The following PTPRK variants were observed in gnomAD, a reference collection of about 807,000 sequenced individuals.
PTPRK encodes receptor-type tyrosine-protein phosphatase kappa.
In PTPRK, 75 loss-of-function variants were observed where a neutral mutation model predicts 178.0. That is an observed-to-expected ratio of 0.42 (90% CI 0.35 to 0.51). PTPRK has a LOEUF of 0.51. PTPRK is among the 20% of genes least tolerant of loss of function. The probability of loss-of-function intolerance (pLI) is 0.02; values close to 1 mark genes in which losing one functional copy is unlikely to be tolerated. For synonymous variants in PTPRK, 637 were observed against 620.6 expected (o/e 1.03, Z -0.39); for missense variants, 1,441 against 1,797.8 (o/e 0.80, Z 3.59).
chr6:128,104,513 C>T (rs1032762581), intron 7 of PTPRK, among the ~76,000 whole-genome samples: 9 of 152,226 alleles, frequency 5.9e-5, no homozygotes, highest in African/African-American at 1.4e-4. Flanking sequence ...TAAGCCACCA[C>T]GCCCGGCCTA....
intron 1 of PTPRK, among the ~76,000 whole-genome samples, chr6:128,505,638 T>A (rs985155245): frequency 1.8e-4 from 27 of 152,062 alleles, no homozygotes; most frequent in Non-Finnish European, 3.4e-4. Context: ...GTAAGAAAGT[T>A]AACAGGGATT....
At chr6:128,513,763 G>A (rs1475537446) in intron 1 of PTPRK, among the ~76,000 whole-genome samples, 1 of 152,140 alleles carries the variant, frequency 6.6e-6, no homozygotes, top group Non-Finnish European at 1.5e-5. Context: ...GATGATCACA[G>A]ATCATCACAA....
chr6:128,495,858 T>A (rs1343869114), intron 1 of PTPRK, among the ~76,000 whole-genome samples: 4 of 152,202 alleles, frequency 2.6e-5, no homozygotes, highest in Admixed American at 1.3e-4. Context: ...CTTCTCTCAG[T>A]TGCTGCAATG....
intron 7 of PTPRK, among the ~76,000 whole-genome samples, chr6:128,142,267 A>G (rs918904773): frequency 6.6e-6 from 1 of 151,960 alleles, no homozygotes; most frequent in Admixed American, 6.6e-5. Flanking sequence ...AAATTTATTC[A>G]TTTTTACTTA....
At chr6:127,988,407 G>A (rs1012671581) in intron 21 of PTPRK, among the ~76,000 whole-genome samples, 1 of 149,230 alleles carries the variant, frequency 6.7e-6, no homozygotes, top group Non-Finnish European at 1.5e-5. Context: ...CAACTCGGAT[G>A]ATTCTCTTGC....
At chr6:128,471,630 A>G (rs1356790620) in intron 1 of PTPRK, among the ~76,000 whole-genome samples, 1 of 146,008 alleles carries the variant, frequency 6.8e-6, no homozygotes, top group East Asian at 2.0e-4. Context: ...AAAAAAACTC[A>G]CAACAAAAGC....
chr6:128,009,067 C>T lies in PTPRK; in HGVS notation c.2333+63G>A, dbSNP rs969834353. The T allele has an allele frequency of 2.8e-6, 4 of 1,430,634 alleles. No homozygotes were observed. In the South Asian group the frequency reaches 4.6e-5, roughly 16 times the overall value. The allele number at this position is 1,430,634 out of a possible 1,614,324, so 88.6% of individuals were successfully genotyped here. A position where few individuals can be genotyped will look rare whatever the true frequency, so the allele number is the denominator to read the frequency against. ...CTAATTTAAAGGATCTTGAGAAAAACAGGTTTTTAAAACCAGTGACATAAA... is the reference window on the plus strand; with the variant it reads ...CTAATTTAAAGGATCTTGAGAAAAATAGGTTTTTAAAACCAGTGACATAAA... On this transcript the variant is annotated intron_variant, in intron 14 of 29. Coordinates refer to ENST00000368226, the MANE Select transcript of PTPRK (RefSeq NM_002844.4).
At chr6:128,165,226 A>G (rs1469081010) in intron 7 of PTPRK, among the ~76,000 whole-genome samples, 1 of 151,388 alleles carries the variant, frequency 6.6e-6, no homozygotes, top group Non-Finnish European at 1.5e-5. Context: ...TTTCAGTTTT[A>G]CCTTAGTTTC....
chr6:128,491,748 C>T (rs901701420), intron 1 of PTPRK: 1 of 517,852 alleles, frequency 1.9e-6, no homozygotes, highest in Non-Finnish European at 3.9e-6. Flanking sequence ...AATCGCCCTT[C>T]ATGATCCTGG....
chr6:128,274,489 T>C (rs1820408818), intron 3 of PTPRK, among the ~76,000 whole-genome samples: 1 of 152,228 alleles, frequency 6.6e-6, no homozygotes, highest in East Asian at 1.9e-4. Flanking sequence ...AAATTTACTA[T>C]GCGTCTCATA....
chr6:128,005,391 A>G, intron 14 of PTPRK, 147 bp from the exon 15 acceptor site: 1 of 609,960 alleles, frequency 1.6e-6, no homozygotes. Flanking sequence ...TTCAGGAATT[A>G]AGTTTGACAT....
At chr6:128,062,411 T>C (rs1252783316) in intron 13 of PTPRK, 2 of 41,390 alleles carry the variant, frequency 4.8e-5, no homozygotes, top group Non-Finnish European at 5.2e-5. Flanking sequence ...TAGCTTTTCA[T>C]ATGTGGAAAA....
chr6:128,433,230 T>A (rs986005359), intron 1 of PTPRK, among the ~76,000 whole-genome samples: 1 of 152,190 alleles, frequency 6.6e-6, no homozygotes, highest in Admixed American at 6.5e-5. Flanking sequence ...ACTGTATGTT[T>A]GTATCCATCA....
At chr6:128,485,415 C>A (rs1036822588) in intron 1 of PTPRK, among the ~76,000 whole-genome samples, 1 of 152,032 alleles carries the variant, frequency 6.6e-6, no homozygotes, top group African/African-American at 2.4e-5. Flanking sequence ...AGATCTATAT[C>A]ATTAAAATGT....
At chr6:128,023,835 C>CTT (rs79086877) in intron 13 of PTPRK, among the ~76,000 whole-genome samples, 1 of 141,204 alleles carries the variant, frequency 7.1e-6, no homozygotes. Flanking sequence ...TTCTTTCTTT[C>CTT]TTTTTTTTTT....
intron 2 of PTPRK, among the ~76,000 whole-genome samples, chr6:128,351,331 G>A (rs1426619520): frequency 1.3e-5 from 2 of 152,068 alleles, no homozygotes; most frequent in South Asian, 4.1e-4. Context: ...GAAAATGAAC[G>A]CGAATTTAAA....
At chr6:128,194,368 G>A (rs911299744) in intron 6 of PTPRK, among the ~76,000 whole-genome samples, 1 of 152,048 alleles carries the variant, frequency 6.6e-6, no homozygotes, top group Admixed American at 6.6e-5. Flanking sequence ...TTACAGGCGT[G>A]AGCCACCGCG....
rs780042036 is a variant in PTPRK, at chr6:128,003,244, C to T, written c.2494+1840G>A. 1.2e-5 allele frequency: 19 copies of T among 1,601,202 alleles called. No individual in the cohort carries two copies. The South Asian group carries it at 2.1e-4, about 18-fold the overall frequency. ...TGGATCATTGGGCACTGCAGGAAAA[C>T]AAAGCTCATGAAGGAATATATTGCT... On this transcript the variant is annotated intron_variant, in intron 15 of 29. Transcript: ENST00000368226.
At chr6:128,159,302 T>A (rs2114597563) in intron 7 of PTPRK, among the ~76,000 whole-genome samples, 1 of 151,918 alleles carries the variant, frequency 6.6e-6, no homozygotes, top group Non-Finnish European at 1.5e-5. Flanking sequence ...AAGATTCAAT[T>A]TATTATGTTT....
Sources: gnomAD v4.1 joint callset for allele counts (sites outside exome capture counted in the v4.1 genomes callset) on GRCh38, gnomAD v4.1.1 for gene constraint, MANE v1.5 for transcripts, NCBI Gene and HGNC (gene_info 2026-07-23, HGNC 2026-07-21) for gene names.